Variants in MEGF10 observed in about 807,000 individuals in gnomAD.
The protein encoded by MEGF10 is multiple epidermal growth factor-like domains protein 10.
MEGF10 carries 86 observed loss-of-function variants against 147.5 expected under a neutral mutation model. The ratio of observed to expected loss-of-function variants is 0.58; its 90% confidence interval spans 0.49 to 0.70. The LOEUF is 0.70. MEGF10 is among the 30% of genes least tolerant of loss of function. The probability of loss-of-function intolerance (pLI) is 0.00; values close to 1 mark genes in which losing one functional copy is unlikely to be tolerated. For missense variants in MEGF10, 1,329 were observed against 1,487.3 expected (o/e 0.89, Z 1.75); for synonymous variants, 478 against 525.5 (o/e 0.91, Z 1.24).
At chr5:127,338,063 G>A (rs1265010231) in intron 2 of MEGF10, among the ~76,000 whole-genome samples, 1 of 152,244 alleles carries the variant, frequency 6.6e-6, no homozygotes, top group South Asian at 2.1e-4. Context: ...CCCATTGTTT[G>A]TGAGGCTAGC....
intron 4 of MEGF10, among the ~76,000 whole-genome samples, chr5:127,345,458 G>A (rs1027705461): frequency 7.9e-5 from 12 of 152,124 alleles, no homozygotes; most frequent in African/African-American, 2.9e-4. Flanking sequence ...AGAGCAGAGA[G>A]TGTGGGCAAC....
intron 8 of MEGF10, among the ~76,000 whole-genome samples, chr5:127,408,482 C>T (rs948497508): frequency 3.9e-5 from 6 of 152,232 alleles, no homozygotes; most frequent in African/African-American, 1.4e-4. Context: ...AAGGAAGAAA[C>T]TAAATGACTT....
chr5:127,406,923 A>G (rs1764354125), intron 8 of MEGF10, among the ~76,000 whole-genome samples: 1 of 152,226 alleles, frequency 6.6e-6, no homozygotes, highest in South Asian at 2.1e-4. Flanking sequence ...TTAGGGGCCC[A>G]TGCACATGAT....
chr5:127,437,558 T>A (rs1200714321), intron 16 of MEGF10, among the ~76,000 whole-genome samples: 9 of 152,226 alleles, frequency 5.9e-5, no homozygotes, highest in Non-Finnish European at 1.2e-4. Flanking sequence ...ATTATGTTCC[T>A]AAAGTATTAA....
chr5:127,247,000 A>ATATG, the MEGF10 span, among the ~76,000 whole-genome samples: 1 of 135,064 alleles, frequency 7.4e-6, no homozygotes, highest in African/African-American at 2.8e-5. Flanking sequence ...ATATATATAT[A>ATATG]TATATATAGA....
At chr5:127,272,627 G>A in the MEGF10 span, among the ~76,000 whole-genome samples, 14 of 151,910 alleles carry the variant, frequency 9.2e-5, no homozygotes, top group South Asian at 4.2e-4. Flanking sequence ...GTAGTTCTCC[G>A]TGATGAGGTC....
chr5:127,267,608 T>A, the MEGF10 span, among the ~76,000 whole-genome samples: 1 of 152,222 alleles, frequency 6.6e-6, no homozygotes, highest in Non-Finnish European at 1.5e-5. Flanking sequence ...GAGCCTGTTA[T>A]TGGTCTATTC....
chr5:127,450,174 A>G (rs1160562633), intron 22 of MEGF10, among the ~76,000 whole-genome samples: 1 of 152,056 alleles, frequency 6.6e-6, no homozygotes, highest in African/African-American at 2.4e-5. Flanking sequence ...GTACACTTGA[A>G]AGAGAATTAG....
chr5:127,342,191 TG>T (rs1761706326), intron 4 of MEGF10, among the ~76,000 whole-genome samples: 1 of 151,938 alleles, frequency 6.6e-6, no homozygotes, highest in African/African-American at 2.4e-5. Context: ...CCCAGGCTGA[TG>T]GGAAATTTTC....
chr5:127,239,760 A>G, the MEGF10 span, among the ~76,000 whole-genome samples: 112 of 152,118 alleles, frequency 7.4e-4, no homozygotes, highest in African/African-American at 2.6e-3. Context: ...ACTCTTTGAG[A>G]TGTTTGAGAT....
chr5:127,247,445 A>AGAG, the MEGF10 span, among the ~76,000 whole-genome samples: 1 of 124,094 alleles, frequency 8.1e-6, no homozygotes, highest in African/African-American at 3.5e-5. Context: ...AAGAAGAAGA[A>AGAG]GAAGAAGAAG....
chr5:127,438,598 G>A (rs1465519515), intron 17 of MEGF10, 31 bp downstream of exon 17: 1 of 1,610,318 alleles, frequency 6.2e-7, no homozygotes, highest in East Asian at 2.2e-5. Flanking sequence ...GGCTCACCAA[G>A]GGGAGCCTTG....
chr5:127,331,444 C>A lies in MEGF10; in HGVS notation c.116+20C>A, dbSNP rs774584050. Reference sequence around the variant, plus strand: ...GGAAAGGTAATGGTTTTGAAAGGAGCCTGACAAAGAATTGCTGAGAAGTTC... The same window carrying A: ...GGAAAGGTAATGGTTTTGAAAGGAGACTGACAAAGAATTGCTGAGAAGTTC... On this transcript the variant is annotated intron_variant, in intron 2 of 24. Transcript: ENST00000503335. 7.7e-5 allele frequency: 110 copies of A among 1,436,948 alleles called. No homozygotes were observed. The highest frequency in any genetic ancestry group is 1.1e-4 in the Non-Finnish European group (109 of 1,027,564). The allele number at this position is 1,436,948 out of a possible 1,614,324, so 89.0% of individuals were successfully genotyped here. A position where few individuals can be genotyped will look rare whatever the true frequency, so the allele number is the denominator to read the frequency against.
At chr5:127,339,388 A>G (rs1761592930) in intron 3 of MEGF10, among the ~76,000 whole-genome samples, 167 bp downstream of exon 3, 1 of 152,144 alleles carries the variant, frequency 6.6e-6, no homozygotes, top group Non-Finnish European at 1.5e-5. Flanking sequence ...AGAAAAGCAG[A>G]AAGGTAGCCC....
chr5:127,287,644 T>C (rs1451684117), upstream of MEGF10, among the ~76,000 whole-genome samples: 1 of 152,048 alleles, frequency 6.6e-6, no homozygotes, highest in Non-Finnish European at 1.5e-5. Context: ...TATTTTTATG[T>C]CAGTTCTCCT....
chr5:127,261,017 C>T, the MEGF10 span, among the ~76,000 whole-genome samples: 1 of 152,162 alleles, frequency 6.6e-6, no homozygotes. Context: ...CGCTCTGCTC[C>T]AAAGCCAAAG....
In MEGF10 at chr5:127,411,875, G is replaced by A. The variant is rs2126955273; in HGVS notation, c.1130+1274G>A. On this transcript the variant is annotated intron_variant, in intron 9 of 24. Coordinates refer to ENST00000503335, the MANE Select transcript of MEGF10 (RefSeq NM_001256545.2). ...TGCAGCAAAAAGTAAGCCTCATGTA[G>A]TGACAACTAAGAACATTACACCAGT... 4.6e-5 allele frequency among the ~76,000 whole-genome samples: 7 copies of A among 152,268 alleles called. No individual in the cohort carries two copies. The South Asian group carries it at 1.5e-3, about 32-fold the overall frequency.
intron 4 of MEGF10, among the ~76,000 whole-genome samples, chr5:127,363,101 G>A (rs1285076275): frequency 1.3e-5 from 2 of 152,092 alleles, no homozygotes; most frequent in South Asian, 4.1e-4. Flanking sequence ...GCACTAGGTC[G>A]TGACACCTTT....
At chr5:127,404,512 T>C (rs1431504399) in intron 8 of MEGF10, among the ~76,000 whole-genome samples, 1 of 152,110 alleles carries the variant, frequency 6.6e-6, no homozygotes, top group East Asian at 1.9e-4. Flanking sequence ...ACTTTGTTGA[T>C]TGTATTCTTT....
Sources: allele counts gnomAD v4.1 joint callset (sites outside exome capture counted in the v4.1 genomes callset), GRCh38; gene constraint gnomAD v4.1.1; transcripts MANE v1.5; gene names NCBI Gene and HGNC (gene_info 2026-07-23, HGNC 2026-07-21).